Variants in MASP2 observed in about 807,000 individuals in gnomAD.
MASP2 encodes the protein mannan-binding lectin serine protease 2.
A neutral mutation model predicts 57.1 loss-of-function variants in MASP2; 49 were observed. The observed-to-expected ratio is 0.86, with a 90% CI of 0.68 to 1.09. The LOEUF is 1.09. MASP2 is among the 50% of genes least tolerant of loss of function. The pLI, the probability that MASP2 is intolerant of heterozygous loss-of-function variation, is 0.00. For missense variants in MASP2, 900 were observed against 874.8 expected (o/e 1.03, Z -0.36); for synonymous variants, 379 against 340.8 (o/e 1.11, Z -1.24).
At chr1:11,044,716 T>G in intron 4 of MASP2, 256 of 1,286,620 alleles carry the variant, frequency 2.0e-4, no homozygotes, top group Non-Finnish European at 2.4e-4. Flanking sequence ...CTGGGGTTCA[T>G]GAGGCTGTGA....
intron 4 of MASP2, among the ~76,000 whole-genome samples, 193 bp from the exon 5 acceptor site, chr1:11,043,728 A>G (rs531290078): frequency 6.6e-6 from 1 of 152,106 alleles, no homozygotes; most frequent in Non-Finnish European, 1.5e-5. Flanking sequence ...GACCCACCCG[A>G]TGGCTGAGGG....
chr1:11,040,189 G>A (rs1040747810), intron 6 of MASP2, among the ~76,000 whole-genome samples: 4 of 151,824 alleles, frequency 2.6e-5, no homozygotes, highest in Non-Finnish European at 5.9e-5. Flanking sequence ...GGATGGATGG[G>A]GCTGGGCGCG....
intron 6 of MASP2, among the ~76,000 whole-genome samples, chr1:11,041,404 G>GTGGATGGATGGA (rs77143957): frequency 0.045 from 5,449 of 120,712 alleles, 163 homozygotes; most frequent in African/African-American, 0.075. Flanking sequence ...GGATGGATGA[G>GTGGATGGATGGA]TGGATGGATG....
rs1157165168 is a variant in MASP2 at position 11,042,990 on chromosome 1, G to C, written c.774C>G (p.Phe258Leu). The change falls in exon 6 of 11, where the codon TTC becomes TTG. Residue 258 changes from phenylalanine to leucine, a missense_variant. By Grantham distance (22) the Phe-to-Leu change is conservative (BLOSUM62 0). Coordinates refer to ENST00000400897, the MANE Select transcript of MASP2 (RefSeq NM_006610.4). ...TCCTGTGGGGCAATGTCTTCCCACA[G>C]AATGGGCCATGTTCTTCTCTGTCTG... Reference protein sequence around the residue: ...IQTDREEHGPFCGKTLPHRIE... With the variant: ...IQTDREEHGPLCGKTLPHRIE... 2 of 1,613,910 alleles carry C rather than the reference G, an allele frequency of 1.2e-6. No individual in the cohort carries two copies. Among genetic ancestry groups the C allele is most frequent in the Non-Finnish European group, 1.7e-6 (2 of 1,179,938 alleles).
intron 4 of MASP2, chr1:11,045,184 G>T (rs866960497): frequency 2.6e-6 from 2 of 774,944 alleles, no homozygotes; most frequent in South Asian, 3.0e-5. Flanking sequence ...GTACACAGTG[G>T]GATGTTAGAA....
At chr1:11,043,692 C>A (rs571956401) in intron 4 of MASP2, among the ~76,000 whole-genome samples, 157 bp from the exon 5 acceptor site, 1 of 152,114 alleles carries the variant, frequency 6.6e-6, no homozygotes, top group South Asian at 2.1e-4. Flanking sequence ...GGTGGCCAGC[C>A]CCTGAGGCCT....
rs1165933272 is a variant in MASP2 at position 11,039,364 on chromosome 1, GGATGGATGGATGGATA to G, written c.890-1569_890-1554del. Among the ~76,000 whole-genome samples, 59 of 141,920 alleles carry G rather than the reference GGATGGATGGATGGATA, an allele frequency of 4.2e-4. 2 individuals are homozygous for G. The East Asian group carries it at 0.011, about 26-fold the overall frequency. 93.1% of individuals were successfully genotyped at this position (141,920 alleles called of 152,430 possible). A position where few individuals can be genotyped will look rare whatever the true frequency, so the allele number is the denominator to read the frequency against. On this transcript the variant is annotated intron_variant, in intron 6 of 10. Coordinates refer to ENST00000400897, the MANE Select transcript of MASP2 (RefSeq NM_006610.4). Reference sequence around the variant, plus strand: ...TGGATGGATGGATGGATGGATGGATGGATGGATGGATGGATAGATTGGTGGATAGAAGGACTGGTAG... The same window carrying G: ...TGGATGGATGGATGGATGGATGGATGGATTGGTGGATAGAAGGACTGGTAG...
At chr1:11,032,896 A>G (rs1454207511) in intron 8 of MASP2, among the ~76,000 whole-genome samples, 3 of 151,370 alleles carry the variant, frequency 2.0e-5, no homozygotes. Context: ...GTGACAGAAC[A>G]AGACTCCGTC....
At chr1:11,043,313 C>A (rs1399128755) in intron 5 of MASP2, 26 bp downstream of exon 5, 1 of 1,583,668 alleles carries the variant, frequency 6.3e-7, no homozygotes, top group Non-Finnish European at 8.6e-7. Context: ...GGATCTGGGA[C>A]AAGATGAGGG....
At position 11,031,844 on chromosome 1, in the gene MASP2, A is replaced by T. The variant is rs1294709358; in HGVS notation, c.1088-962T>A. ...AGGAGGATGGCTTGAGCCTGGGAGG[A>T]TGAGGCCGCAGTGAGCTATGATCAC... On this transcript the variant is annotated intron_variant, in intron 8 of 10. Transcript: ENST00000400897. Among the ~76,000 whole-genome samples the T allele has an allele frequency of 2.0e-5, 3 of 151,310 alleles. No individual in the cohort carries two copies. In the East Asian group the frequency reaches 5.9e-4, roughly 30 times the overall value.
intron 7 of MASP2, among the ~76,000 whole-genome samples, chr1:11,035,425 G>T (rs528576842): frequency 2.6e-5 from 4 of 152,162 alleles, no homozygotes; most frequent in Admixed American, 2.6e-4. Flanking sequence ...TCCTCAGGAG[G>T]TTGAGGCAGG....
chr1:11,040,475 A>G (rs1638391550), intron 6 of MASP2, among the ~76,000 whole-genome samples: 3 of 151,066 alleles, frequency 2.0e-5, no homozygotes, highest in African/African-American at 7.3e-5. Flanking sequence ...TAAAAAAAAA[A>G]AAAAAAAAAC....
Position 11,045,532 on chromosome 1 carries a change from G to C in MASP2, c.420C>G (p.Asp140Glu). Reference protein sequence around the residue: ...FEAFYAAEDIDECQVAPGEAP... With the variant: ...FEAFYAAEDIEECQVAPGEAP... ...CCTCTCCCGGGGCCACCTGGCACTC[G>C]TCAATGTCTGGGGGAGAGGCAGGGC... Residue 140 changes from aspartate to glutamate, a missense_variant, in exon 4 of 11, where the codon GAC becomes GAG. By Grantham distance (45) the Asp-to-Glu change is conservative. Transcript: ENST00000400897. 1 of 1,606,330 alleles carries C rather than the reference G, an allele frequency of 6.2e-7. No individual in the cohort carries two copies. Among genetic ancestry groups the C allele is most frequent in the South Asian group, 1.1e-5 (1 of 90,896 alleles).
At chr1:11,044,774 A>AC in intron 4 of MASP2, 2 of 1,124,446 alleles carry the variant, frequency 1.8e-6, no homozygotes, top group Admixed American at 2.3e-5. Context: ...CGACCCTCCC[A>AC]CCCCAGAGAC....
chr1:11,035,381 G>T (rs1401418418), intron 7 of MASP2, among the ~76,000 whole-genome samples: 1 of 151,736 alleles, frequency 6.6e-6, no homozygotes, highest in Non-Finnish European at 1.5e-5. Flanking sequence ...CAAAAAATTA[G>T]CCTGGCATGG....
chr1:11,044,011 C>T (rs553785552), intron 4 of MASP2, among the ~76,000 whole-genome samples: 12 of 152,246 alleles, frequency 7.9e-5, no homozygotes, highest in African/African-American at 2.9e-4. Context: ...TCTCCTCGAG[C>T]CTAAGGGCCC....
At chr1:11,041,532 G>A (rs1638438250) in intron 6 of MASP2, among the ~76,000 whole-genome samples, 1 of 141,456 alleles carries the variant, frequency 7.1e-6, no homozygotes, top group African/African-American at 2.6e-5. Context: ...AGACAAATGG[G>A]TGGATGGACA....
intron 8 of MASP2, among the ~76,000 whole-genome samples, 187 bp from the exon 9 acceptor site, chr1:11,031,069 C>T (rs560324172): frequency 3.0e-4 from 45 of 151,912 alleles, no homozygotes; most frequent in Non-Finnish European, 5.0e-4. Flanking sequence ...CATGGTGGCA[C>T]GTGCCTGTTG....
At chr1:11,036,550 A>C (rs1410402963) in intron 7 of MASP2, among the ~76,000 whole-genome samples, 1 of 146,356 alleles carries the variant, frequency 6.8e-6, no homozygotes, top group East Asian at 2.0e-4. Context: ...AAAAAAAAAG[A>C]AACTAAAGAA....
Sources: gnomAD v4.1 joint callset for allele counts (sites outside exome capture counted in the v4.1 genomes callset) on GRCh38, gnomAD v4.1.1 for gene constraint, MANE v1.5 for transcripts, NCBI Gene and HGNC (gene_info 2026-07-23, HGNC 2026-07-21) for gene names.